TEX9: variants seen among roughly 807,000 people sequenced by gnomAD.
TEX9 encodes the protein testis-expressed protein 9.
A neutral mutation model predicts 59.6 loss-of-function variants in TEX9; 74 were observed. The observed-to-expected ratio is 1.24, with a 90% CI of 1.03 to 1.51. The LOEUF is 1.51. Ranked by LOEUF, TEX9 falls within the 40% of genes most tolerant of loss-of-function variation. The pLI, the probability that TEX9 is intolerant of heterozygous loss-of-function variation, is 0.00. For synonymous variants in TEX9, 186 were observed against 152.2 expected (o/e 1.22, Z -1.64); for missense variants, 522 against 447.8 (o/e 1.17, Z -1.49).
intron 1 of TEX9, among the ~76,000 whole-genome samples, chr15:56,283,049 G>GGGGGGTGTGTGT (rs140785812): frequency 1.3e-5 from 2 of 148,444 alleles, no homozygotes; most frequent in African/African-American, 5.0e-5. Flanking sequence ...TACATTGTGT[G>GGGGGGTGTGTGT]GTGTGTGTGT....
downstream of TEX9, among the ~76,000 whole-genome samples, chr15:56,448,898 T>A (rs2050927880): frequency 6.6e-6 from 1 of 151,712 alleles, no homozygotes; most frequent in South Asian, 2.1e-4. Flanking sequence ...GGACTACAGG[T>A]GTGTGCCACC....
chr15:56,271,094 A>T (rs148308692), intron 1 of TEX9, among the ~76,000 whole-genome samples: 19 of 152,182 alleles, frequency 1.2e-4, no homozygotes, highest in African/African-American at 4.6e-4. Flanking sequence ...AACCTTGGTG[A>T]ATCTGACAAT....
At chr15:56,338,452 C>T (rs1240983470) in intron 1 of TEX9, among the ~76,000 whole-genome samples, 4 of 152,204 alleles carry the variant, frequency 2.6e-5, no homozygotes, top group African/African-American at 4.8e-5. Context: ...CTCATGGTCA[C>T]GGATCCACTG....
intron 10 of TEX9, among the ~76,000 whole-genome samples, chr15:56,425,839 T>C (rs1331749581): frequency 6.6e-6 from 1 of 152,148 alleles, no homozygotes; most frequent in Non-Finnish European, 1.5e-5. Flanking sequence ...TCTCCCAGTC[T>C]TGCAGACTGG....
intron 4 of TEX9, among the ~76,000 whole-genome samples, chr15:56,387,350 AG>A (rs1226814307): frequency 6.6e-6 from 1 of 151,990 alleles, no homozygotes; most frequent in Admixed American, 6.6e-5. Flanking sequence ...AAGATTAAAG[AG>A]GACACTTAAA....
chr15:56,371,097 C>G (rs565275480), intron 2 of TEX9, among the ~76,000 whole-genome samples: 2 of 152,110 alleles, frequency 1.3e-5, no homozygotes, highest in Non-Finnish European at 2.9e-5. Context: ...GTGATCCTCC[C>G]TCCACCTCCC....
At chr15:56,360,985 C>T (rs2046778884), upstream of TEX9, among the ~76,000 whole-genome samples, 1 of 152,134 alleles carries the variant, frequency 6.6e-6, no homozygotes, top group Non-Finnish European at 1.5e-5. Context: ...CCGAGGCTTC[C>T]CCATGTAACC....
At chr15:56,277,357 T>G (rs563326460) in intron 1 of TEX9, among the ~76,000 whole-genome samples, 1 of 152,264 alleles carries the variant, frequency 6.6e-6, no homozygotes, top group South Asian at 2.1e-4. Flanking sequence ...TGTTTAAGGT[T>G]TAAGGAAGGG....
chr15:56,388,106 A>G (rs2048043997), intron 4 of TEX9, among the ~76,000 whole-genome samples: 2 of 152,002 alleles, frequency 1.3e-5, no homozygotes. Flanking sequence ...TAAGTGGATT[A>G]AAAGAACAGT....
rs1442507073 is a variant in TEX9 at position 56,440,218 on chromosome 15, G to GT, written c.*30-5452dup. ...GGAAAATGCAAAATAAAACTACAAGGTATCACTACATGGATATTTAAAAGT... is the reference window on the plus strand; with the variant it reads ...GGAAAATGCAAAATAAAACTACAAGGTTATCACTACATGGATATTTAAAAGT... On this transcript the variant is annotated intron_variant, in intron 12 of 12. Transcript: ENST00000352903. Among the ~76,000 whole-genome samples, 3 of 152,158 alleles carry GT rather than the reference G, an allele frequency of 2.0e-5. No individual in the cohort carries two copies. The East Asian group carries it at 5.8e-4, about 29-fold the overall frequency.
intron 1 of TEX9, among the ~76,000 whole-genome samples, chr15:56,316,212 A>C (rs2045757852): frequency 6.7e-6 from 1 of 149,350 alleles, no homozygotes; most frequent in Non-Finnish European, 1.5e-5. Flanking sequence ...GTTCCTTTGG[A>C]GGAGGAGAGG....
chr15:56,451,240 T>C, the TEX9 span, among the ~76,000 whole-genome samples: 8 of 152,330 alleles, frequency 5.3e-5, no homozygotes, highest in Middle Eastern at 3.4e-3. Context: ...AGAACAGATA[T>C]ACCCAACAAT....
At position 56,435,407 on chromosome 15, in the gene TEX9, G is replaced by A. The variant is rs536126132; in HGVS notation, c.*29+6934G>A. Among the ~76,000 whole-genome samples, 108 of 151,484 alleles carry A rather than the reference G, an allele frequency of 7.1e-4. No individual in the cohort carries two copies. In the Middle Eastern group the frequency reaches 0.01, roughly 14 times the overall value. On this transcript the variant is annotated intron_variant, in intron 12 of 12. Transcript: ENST00000352903. Reference sequence around the variant, plus strand: ...GGTTCTTAAAAATTATCAGTGAAATGGACAGACCTTTAACAAGGCTGACCT... The same window carrying A: ...GGTTCTTAAAAATTATCAGTGAAATAGACAGACCTTTAACAAGGCTGACCT...
chr15:56,266,296 T>A (rs1170207321), intron 1 of TEX9, among the ~76,000 whole-genome samples: 2 of 151,914 alleles, frequency 1.3e-5, no homozygotes, highest in African/African-American at 4.8e-5. Context: ...CTGGCTAATT[T>A]TGTATTTTTA....
At chr15:56,254,798 T>C (rs1453355341) in intron 1 of TEX9, among the ~76,000 whole-genome samples, 10 of 150,862 alleles carry the variant, frequency 6.6e-5, no homozygotes, top group Admixed American at 6.6e-4. Flanking sequence ...TATATACTTA[T>C]AAATATCACA....
chr15:56,304,208 C>T (rs1454981008), intron 1 of TEX9, among the ~76,000 whole-genome samples: 1 of 152,198 alleles, frequency 6.6e-6, no homozygotes. Flanking sequence ...ATTTTGACTT[C>T]TTCCTTTCCA....
intron 1 of TEX9, among the ~76,000 whole-genome samples, chr15:56,321,398 G>T (rs1466106630): frequency 2.0e-5 from 3 of 152,206 alleles, no homozygotes; most frequent in Non-Finnish European, 2.9e-5. Context: ...TTCAGGAACT[G>T]CATAGGCAAG....
chr15:56,452,709 G>A, the TEX9 span, among the ~76,000 whole-genome samples: 3 of 151,810 alleles, frequency 2.0e-5, no homozygotes, highest in Admixed American at 6.6e-5. Context: ...TAGTAGAGAC[G>A]CGGTTTCACC....
Position 56,384,698 on chromosome 15 carries a change from G to T in TEX9, c.263+667G>T, listed in dbSNP as rs540297670. Reference sequence around the variant, plus strand: ...TAGCAGTTAGGTGGGAGCCAGCAAGGAAACTGATATTGGAGGCTGGAAAGA... The same window carrying T: ...TAGCAGTTAGGTGGGAGCCAGCAAGTAAACTGATATTGGAGGCTGGAAAGA... On this transcript the variant is annotated intron_variant, in intron 4 of 12. Coordinates refer to ENST00000352903, the Ensembl canonical transcript of TEX9. 7.9e-5 allele frequency among the ~76,000 whole-genome samples: 12 copies of T among 152,288 alleles called. No individual in the cohort carries two copies. In the East Asian group the frequency reaches 2.3e-3, roughly 29 times the overall value.
Sources: allele counts gnomAD v4.1 joint callset (sites outside exome capture counted in the v4.1 genomes callset), GRCh38; gene constraint gnomAD v4.1.1; transcripts MANE v1.5; gene names NCBI Gene and HGNC (gene_info 2026-07-23, HGNC 2026-07-21).